The following ATP8B1 variants were observed in gnomAD, a reference collection of about 807,000 sequenced individuals.
ATP8B1 encodes phospholipid-transporting ATPase IC.
Under a neutral mutation model 149.9 loss-of-function variants are expected in ATP8B1, and 80 were observed. The observed-to-expected ratio is 0.53, with a 90% CI of 0.45 to 0.64. The LOEUF (loss-of-function observed/expected upper bound fraction) is 0.64, where lower values mean the gene tolerates loss of function less well. Ranked by LOEUF, ATP8B1 falls within the 30% of genes least tolerant of loss-of-function variation. The probability of loss-of-function intolerance (pLI) is 0.00; values close to 1 mark genes in which losing one functional copy is unlikely to be tolerated. For synonymous variants in ATP8B1, 536 were observed against 562.8 expected, an observed-to-expected ratio of 0.95 and a Z score of 0.67; for missense variants, 1,247 against 1,552.6, an observed-to-expected ratio of 0.80 and a Z score of 3.31.
At chr18:57,790,576 G>A (rs1032749150) in intron 1 of ATP8B1, among the ~76,000 whole-genome samples, 5 of 151,748 alleles carry the variant, frequency 3.3e-5, no homozygotes, top group African/African-American at 1.2e-4. Context: ...CCCATTGACT[G>A]GACCACTCTT....
chr18:57,787,306 A>G (rs534011468), intron 1 of ATP8B1, among the ~76,000 whole-genome samples: 1 of 152,346 alleles, frequency 6.6e-6, no homozygotes, highest in East Asian at 1.9e-4. Flanking sequence ...CTTATGACAC[A>G]CACACAAGAA....
intron 21 of ATP8B1, 90 bp from the exon 22 acceptor site, chr18:57,661,552 T>G: frequency 7.1e-7 from 1 of 1,406,414 alleles, no homozygotes; most frequent in Non-Finnish European, 9.8e-7. Context: ...GAAGGATAAT[T>G]TTTGGATTAT....
chr18:57,714,623 G>C (rs1003068351), intron 2 of ATP8B1, among the ~76,000 whole-genome samples: 7 of 121,392 alleles, frequency 5.8e-5, no homozygotes, highest in African/African-American at 1.8e-4. Context: ...AGCAAAAAAA[G>C]AGAGAGAGAG....
At chr18:57,756,508 C>A (rs1408675153) in intron 1 of ATP8B1, among the ~76,000 whole-genome samples, 1 of 151,868 alleles carries the variant, frequency 6.6e-6, no homozygotes, top group African/African-American at 2.4e-5. Flanking sequence ...ACCATGTTGG[C>A]CAGGCTGGTC....
rs777273412 is a variant in ATP8B1, at chr18:57,684,073, G to A, written c.1593C>T (p.Leu531=). The A allele has an allele frequency of 1.1e-5, 17 of 1,613,972 alleles. No homozygotes were observed. Among genetic ancestry groups the A allele is most frequent in the East Asian group, 8.9e-5 (4 of 44,886 alleles). ...CCACCATGACTGTGTGGCAAACTGCGAGCAAGAAGAAGAACTGTCGTACTT... is the reference window on the plus strand; with the variant it reads ...CCACCATGACTGTGTGGCAAACTGCAAGCAAGAAGAAGAACTGTCGTACTT... ...EPEVRQFFFL[L]AVCHTVMVDR... is the part of the protein sequence containing the mutation. Residue 531 remains leucine (L), a synonymous_variant, in exon 15 of 28, where the codon CTC becomes CTT. Coordinates refer to ENST00000648908, the MANE Select transcript of ATP8B1 (RefSeq NM_001374385.1).
At chr18:57,761,109 AAATAT>A (rs2080151933) in intron 1 of ATP8B1, among the ~76,000 whole-genome samples, 1 of 100,454 alleles carries the variant, frequency 1.0e-5, no homozygotes. Context: ...AAATAAAATA[AAATAT>A]AAAATAAAAT....
chr18:57,761,942 G>C (rs1266552356), intron 1 of ATP8B1, among the ~76,000 whole-genome samples: 2 of 65,476 alleles, frequency 3.1e-5, no homozygotes, highest in African/African-American at 6.4e-5. Context: ...GAGCAAGACT[G>C]TTAAAAAAAA....
chr18:57,761,102 T>A (rs370031132), intron 1 of ATP8B1, among the ~76,000 whole-genome samples: 59 of 100,464 alleles, frequency 5.9e-4, no homozygotes, highest in South Asian at 3.1e-4. Flanking sequence ...AAATAAAAAA[T>A]AAAATAAAAT....
chr18:57,776,124 A>G (rs566409228), intron 1 of ATP8B1, among the ~76,000 whole-genome samples: 1 of 152,232 alleles, frequency 6.6e-6, no homozygotes, highest in African/African-American at 2.4e-5. Flanking sequence ...TGAACAATAA[A>G]TAAGAAGGAT....
In ATP8B1 at chr18:57,746,467, CTTTTTTTTTTTTTTT is replaced by C. The variant is rs71171082; in HGVS notation, c.-25-14650_-25-14636del. Among the ~76,000 whole-genome samples, 365 of 94,140 alleles carry C rather than the reference CTTTTTTTTTTTTTTT, an allele frequency of 3.9e-3. 4 individuals carry two copies. The highest frequency in any genetic ancestry group is 0.014 in the African/African-American group (328 of 23,354). The allele number at this position is 94,140 out of a possible 152,430, so 61.8% of individuals were successfully genotyped here. On this transcript the variant is annotated intron_variant, in intron 1 of 27. Transcript: ENST00000648908. ...TTAGGATTATGCCCACTGATGCTTA[CTTTTTTTTTTTTTTT>C]TTTTTTTTTGAGACAGAGTCTCACT...
At chr18:57,680,301 A>AAAAAAAAAAAAAAAAAAC in intron 15 of ATP8B1, among the ~76,000 whole-genome samples, 1 of 124,946 alleles carries the variant, frequency 8.0e-6, no homozygotes, top group Non-Finnish European at 1.7e-5. Context: ...AAAAAAAAAA[A>AAAAAAAAAAAAAAAAAAC]AGACTGGGTG....
chr18:57,753,771 T>G (rs2080046292), intron 1 of ATP8B1, among the ~76,000 whole-genome samples: 1 of 151,502 alleles, frequency 6.6e-6, no homozygotes, highest in East Asian at 1.9e-4. Context: ...CTACTAAAAA[T>G]ACAAAAATTA....
chr18:57,754,236 G>A (rs1013927222), intron 1 of ATP8B1, among the ~76,000 whole-genome samples: 2 of 151,866 alleles, frequency 1.3e-5, no homozygotes, highest in East Asian at 1.9e-4. Context: ...TCAAGAGTTC[G>A]AGACCAGTCT....
intron 2 of ATP8B1, among the ~76,000 whole-genome samples, chr18:57,728,101 CT>C (rs2079726475): frequency 6.6e-6 from 1 of 152,060 alleles, no homozygotes. Context: ...TCTCAAAGCA[CT>C]TGTTTAACAG....
chr18:57,655,946 C>G (rs1909968822), intron 22 of ATP8B1, among the ~76,000 whole-genome samples: 1 of 152,192 alleles, frequency 6.6e-6, no homozygotes, highest in Non-Finnish European at 1.5e-5. Context: ...CTGTTTAGAT[C>G]CACTTATGAC....
At chr18:57,720,567 G>A (rs1373888668) in intron 2 of ATP8B1, among the ~76,000 whole-genome samples, 2 of 125,748 alleles carry the variant, frequency 1.6e-5, no homozygotes, top group Non-Finnish European at 3.3e-5. Context: ...AAAGAAATGA[G>A]CAAAGCCTCC....
At position 57,732,099 on chromosome 18, in the gene ATP8B1, A is replaced by ATATATATGTATATATGTGTATATATGTG. The variant is rs1568043839; in HGVS notation, c.-25-268_-25-267insCACATATATACACATATATACATATATA. 15 of 113,566 alleles carry ATATATATGTATATATGTGTATATATGTG rather than the reference A, an allele frequency of 1.3e-4. 2 individuals are homozygous for ATATATATGTATATATGTGTATATATGTG. The East Asian group carries it at 1.9e-3, about 15-fold the overall frequency. The allele number at this position is 113,566 out of a possible 1,614,324, so 7.0% of individuals were successfully genotyped here. On this transcript the variant is annotated intron_variant, in intron 1 of 27. Coordinates refer to ENST00000648908, the MANE Select transcript of ATP8B1 (RefSeq NM_001374385.1). ...AGGGTATATATATATATGTATGTGT[A>ATATATATGTATATATGTGTATATATGTG]TATATATATGTATATATGTATATAT...
chr18:57,694,507 A>G, intron 11 of ATP8B1, 75 bp downstream of exon 11: 1 of 1,040,280 alleles, frequency 9.6e-7, no homozygotes, highest in African/African-American at 1.6e-5. Flanking sequence ...ATTTTGTATT[A>G]GAAAAACATA....
At chr18:57,716,507 A>G (rs2079585088) in intron 2 of ATP8B1, among the ~76,000 whole-genome samples, 1 of 152,212 alleles carries the variant, frequency 6.6e-6, no homozygotes, top group African/African-American at 2.4e-5. Context: ...ATTCCATGCC[A>G]ATGGAAAGCA....
Sources: gnomAD v4.1 joint callset for allele counts (sites outside exome capture counted in the v4.1 genomes callset) on GRCh38, gnomAD v4.1.1 for gene constraint, MANE v1.5 for transcripts, NCBI Gene and HGNC (gene_info 2026-07-23, HGNC 2026-07-21) for gene names.